The following ALDH1A2 variants were observed in gnomAD, a reference collection of about 807,000 sequenced individuals.
ALDH1A2 encodes the protein retinal dehydrogenase 2.
A neutral mutation model predicts 60.3 loss-of-function variants in ALDH1A2; 27 were observed. The ratio of observed to expected loss-of-function variants is 0.45; its 90% CI spans 0.33 to 0.62. The LOEUF is 0.62. ALDH1A2 is among the 20% of genes least tolerant of loss of function. The pLI is 0.02. For synonymous variants in ALDH1A2, 289 were observed against 232.4 expected, an observed-to-expected ratio of 1.24 and a Z score of -2.21; for missense variants, 581 against 643.8, an observed-to-expected ratio of 0.90 and a Z score of 1.06.
chr15:57,963,025 C>T (rs1225538717), intron 9 of ALDH1A2, among the ~76,000 whole-genome samples: 12 of 152,152 alleles, frequency 7.9e-5, no homozygotes, highest in African/African-American at 2.7e-4. Flanking sequence ...CTAAAGTACA[C>T]GAGGCCTTCA....
chr15:58,006,097 G>C (rs1223377448), intron 4 of ALDH1A2, among the ~76,000 whole-genome samples: 12 of 151,596 alleles, frequency 7.9e-5, no homozygotes, highest in Admixed American at 7.9e-4. Flanking sequence ...CTTTAGCAGT[G>C]GTTTCCAAGA....
chr15:58,059,152 A>C (rs1435574373), intron 1 of ALDH1A2, among the ~76,000 whole-genome samples: 1 of 152,256 alleles, frequency 6.6e-6, no homozygotes. Context: ...CAATGTGCAT[A>C]ATCTCATATA....
At chr15:58,062,284 G>GA (rs1897060324) in intron 1 of ALDH1A2, among the ~76,000 whole-genome samples, 1 of 152,036 alleles carries the variant, frequency 6.6e-6, no homozygotes, top group East Asian at 1.9e-4. Flanking sequence ...GTGACCAAGA[G>GA]AAAGACAGCA....
chr15:58,039,244 C>T (rs1896454207), intron 1 of ALDH1A2, among the ~76,000 whole-genome samples: 1 of 150,978 alleles, frequency 6.6e-6, no homozygotes, highest in African/African-American at 2.5e-5. Context: ...TGCAAAGTCT[C>T]AGATTAGTTT....
At chr15:58,050,217 C>T (rs1896740138) in intron 1 of ALDH1A2, among the ~76,000 whole-genome samples, 1 of 151,780 alleles carries the variant, frequency 6.6e-6, no homozygotes, top group African/African-American at 2.4e-5. Context: ...AGTCTTTCTA[C>T]TGTGCTCTTC....
chr15:58,031,370 T>C (rs1332746516), intron 1 of ALDH1A2, among the ~76,000 whole-genome samples: 6 of 152,178 alleles, frequency 3.9e-5, no homozygotes, highest in African/African-American at 1.2e-4. Flanking sequence ...TAACTCAAGA[T>C]GGATTAAAGA....
chr15:58,032,430 C>T (rs1406467864), intron 1 of ALDH1A2, among the ~76,000 whole-genome samples: 2 of 152,100 alleles, frequency 1.3e-5, no homozygotes, highest in Non-Finnish European at 2.9e-5. Flanking sequence ...GGGTGCAGCA[C>T]ACCAACATGG....
intron 8 of ALDH1A2, 108 bp from the exon 9 acceptor site, chr15:57,964,177 A>G (rs1893821498): frequency 2.6e-6 from 3 of 1,171,268 alleles, no homozygotes; most frequent in African/African-American, 1.5e-5. Flanking sequence ...TGCTCACTGC[A>G]TGACATAACC....
At chr15:57,992,269 G>A (rs1028262993) in intron 7 of ALDH1A2, among the ~76,000 whole-genome samples, 5 of 152,220 alleles carry the variant, frequency 3.3e-5, no homozygotes, top group South Asian at 2.1e-4. Flanking sequence ...AAAATGTGCT[G>A]AGCCCTGCTC....
chr15:57,960,908 T>C lies in ALDH1A2; in HGVS notation c.1410-64A>G, dbSNP rs3784262. On this transcript the variant is annotated intron_variant, in intron 11 of 12. Coordinates refer to ENST00000249750, the MANE Select transcript of ALDH1A2 (RefSeq NM_003888.4). ...GTCTGAGCACATAATCTGACTGGCATGGTATTTCTTTTAGAAGTTTTATTT... is the reference window on the plus strand; with the variant it reads ...GTCTGAGCACATAATCTGACTGGCACGGTATTTCTTTTAGAAGTTTTATTT... 609,350 of 1,463,828 alleles carry C rather than the reference T, an allele frequency of 0.42. 133,434 individuals carry two copies. Among genetic ancestry groups the C allele is most frequent in the Non-Finnish European group, 0.46 (487,005 of 1,053,902 alleles). The allele number at this position is 1,463,828 out of a possible 1,614,324, so 90.7% of individuals were successfully genotyped here. A position where few individuals can be genotyped will look rare whatever the true frequency, so the allele number is the denominator to read the frequency against.
intron 4 of ALDH1A2, among the ~76,000 whole-genome samples, chr15:57,998,914 G>C (rs911320513): frequency 2.4e-4 from 36 of 152,108 alleles, no homozygotes; most frequent in African/African-American, 7.5e-4. Flanking sequence ...ACAACCATCT[G>C]ATCTTCGACA....
At chr15:58,049,106 G>A (rs867327877) in intron 1 of ALDH1A2, among the ~76,000 whole-genome samples, 4 of 152,000 alleles carry the variant, frequency 2.6e-5, no homozygotes, top group Middle Eastern at 3.2e-3. Flanking sequence ...TTCACTCAGC[G>A]TATTTTACAA....
At chr15:58,005,918 T>C (rs1219064994) in intron 4 of ALDH1A2, among the ~76,000 whole-genome samples, 27 of 151,908 alleles carry the variant, frequency 1.8e-4, no homozygotes, top group African/African-American at 5.1e-4. Context: ...TATTTGTGGA[T>C]TCCATATTTA....
intron 12 of ALDH1A2, among the ~76,000 whole-genome samples, chr15:57,958,205 T>TACACAC (rs748682983): frequency 2.1e-4 from 17 of 82,786 alleles, no homozygotes; most frequent in African/African-American, 6.6e-4. Flanking sequence ...TGCATGCGTG[T>TACACAC]ACACGCACGC....
intron 12 of ALDH1A2, 52 bp from the exon 13 acceptor site, chr15:57,955,321 T>A: frequency 6.3e-7 from 1 of 1,580,456 alleles, no homozygotes. Flanking sequence ...GGGAGCTGCA[T>A]GTGAGTGCAG....
chr15:57,960,097 A>G (rs766618447), intron 12 of ALDH1A2, among the ~76,000 whole-genome samples: 4 of 152,128 alleles, frequency 2.6e-5, no homozygotes, highest in African/African-American at 9.7e-5. Context: ...GATCTTCCCT[A>G]TCCCTGAGCT....
chr15:57,972,147 A>C (rs1262007153), intron 7 of ALDH1A2, among the ~76,000 whole-genome samples: 2 of 117,394 alleles, frequency 1.7e-5, no homozygotes, highest in African/African-American at 5.8e-5. Flanking sequence ...TAATTGGAAA[A>C]AAAGACAAGA....
chr15:58,007,834 A>T (rs1895508755), intron 4 of ALDH1A2, among the ~76,000 whole-genome samples: 1 of 151,964 alleles, frequency 6.6e-6, no homozygotes, highest in Non-Finnish European at 1.5e-5. Context: ...GACAAAATGA[A>T]GCTGATGTTA....
chr15:58,056,275 T>C (rs2140578589), intron 1 of ALDH1A2, among the ~76,000 whole-genome samples: 1 of 152,208 alleles, frequency 6.6e-6, no homozygotes, highest in Middle Eastern at 3.4e-3. Context: ...GTTTCTCCTA[T>C]TTTCCCATTA....
Sources: allele counts gnomAD v4.1 joint callset (sites outside exome capture counted in the v4.1 genomes callset), GRCh38; gene constraint gnomAD v4.1.1; transcripts MANE v1.5; gene names NCBI Gene and HGNC (gene_info 2026-07-23, HGNC 2026-07-21).